Variants in STK17A observed in about 807,000 individuals in gnomAD.
STK17A encodes the protein serine/threonine kinase 17a.
Under a neutral mutation model 43.7 loss-of-function variants are expected in STK17A, and 26 were observed. The ratio of observed to expected loss-of-function variants is 0.60; its 90% confidence interval spans 0.44 to 0.83. The LOEUF (loss-of-function observed/expected upper bound fraction) is 0.83. Among genes scored for constraint, STK17A ranks in the 40% least tolerant of loss-of-function variants. The probability of loss-of-function intolerance (pLI) is 0.00; values close to 1 mark genes in which losing one functional copy is unlikely to be tolerated. For missense variants in STK17A, 476 were observed against 511.6 expected, an observed-to-expected ratio of 0.93 and a Z score of 0.67; for synonymous variants, 191 against 182.5, an observed-to-expected ratio of 1.05 and a Z score of -0.38.
intron 1 of STK17A, among the ~76,000 whole-genome samples, chr7:43,584,080 G>A (rs2082422541): frequency 6.6e-6 from 1 of 152,016 alleles, no homozygotes; most frequent in Admixed American, 6.6e-5. Context: ...ACTTTGCTGG[G>A]AACCGATTCT....
At chr7:43,612,554 C>T (rs1345610569) in intron 3 of STK17A, among the ~76,000 whole-genome samples, 1 of 152,160 alleles carries the variant, frequency 6.6e-6, no homozygotes, top group African/African-American at 2.4e-5. Flanking sequence ...CTGATAATCC[C>T]AATATGTATG....
chr7:43,591,712 T>C (rs1057446185), intron 1 of STK17A, among the ~76,000 whole-genome samples: 11 of 151,412 alleles, frequency 7.3e-5, no homozygotes, highest in African/African-American at 2.4e-4. Flanking sequence ...AATTTAGCAA[T>C]GGCTGTTCTG....
At chr7:43,597,375 C>T (rs1235909975) in intron 2 of STK17A, among the ~76,000 whole-genome samples, 3 of 151,794 alleles carry the variant, frequency 2.0e-5, no homozygotes, top group Non-Finnish European at 4.4e-5. Context: ...GCCTGTAGTT[C>T]AGCACTTTGT....
rs2082410891 is a variant in STK17A, at chr7:43,583,133, A to G, written c.-111A>G. On this transcript the variant is annotated 5_prime_UTR_variant, in exon 1 of 7. Coordinates refer to ENST00000319357, the MANE Select transcript of STK17A (RefSeq NM_004760.3). The stretch of plus-strand genomic sequence containing the variant: ...GCAGTCCGAGCGCCGCGCTGGGGAG[A>G]GCGGGTGTTTGAAGGCTCCGCGGAC... 1.7e-6 allele frequency: 2 copies of G among 1,153,388 alleles called. No individual in the cohort carries two copies. The highest frequency in any genetic ancestry group is 1.6e-5 in the African/African-American group (1 of 60,634). 71.4% of individuals were successfully genotyped at this position (1,153,388 alleles called of 1,614,324 possible). A position where few individuals can be genotyped will look rare whatever the true frequency, so the allele number is the denominator to read the frequency against.
intron 1 of STK17A, among the ~76,000 whole-genome samples, chr7:43,594,543 G>T (rs1695322789): frequency 6.6e-6 from 1 of 152,120 alleles, no homozygotes; most frequent in Non-Finnish European, 1.5e-5. Flanking sequence ...GGCATTTGGT[G>T]TTAGGTAAAA....
intron 3 of STK17A, among the ~76,000 whole-genome samples, chr7:43,617,223 G>A (rs1009538515): frequency 3.3e-5 from 5 of 152,170 alleles, no homozygotes; most frequent in Non-Finnish European, 7.3e-5. Flanking sequence ...ATGCGAAGGA[G>A]TTTGGAGGTT....
chr7:43,614,770 G>GT (rs1423157922), intron 3 of STK17A, among the ~76,000 whole-genome samples: 2 of 152,192 alleles, frequency 1.3e-5, no homozygotes, highest in African/African-American at 4.8e-5. Flanking sequence ...ATAGATGCAT[G>GT]TAACAGGGCC....
intron 3 of STK17A, among the ~76,000 whole-genome samples, chr7:43,618,957 A>C (rs1034043284): frequency 3.9e-5 from 6 of 152,222 alleles, no homozygotes; most frequent in Non-Finnish European, 5.9e-5. Context: ...ATCCTGAACA[A>C]CACAAATATT....
chr7:43,608,410 A>G lies in STK17A; in HGVS notation c.564+10A>G. ...TCATCTTGATTTGAAGGTAAGATTC[A>G]AATTACAATTTTGAGATTGCTAAAG... On this transcript the variant is annotated intron_variant, in intron 3 of 6. Transcript: ENST00000319357. 1 of 1,593,452 alleles carries G rather than the reference A, an allele frequency of 6.3e-7. No individual in the cohort carries two copies. Among genetic ancestry groups the G allele is most frequent in the Non-Finnish European group, 8.5e-7 (1 of 1,172,356 alleles).
At position 43,596,174 on chromosome 7, in the gene STK17A, C is replaced by T. The variant is rs942574573; in HGVS notation, c.419+61C>T. On this transcript the variant is annotated intron_variant, in intron 2 of 6. Transcript: ENST00000319357. ...TAGTCTACACTTCCTTTACGGAATG[C>T]CACTCATCTGTGATAATGTTGCCAG... 7 of 1,459,196 alleles carry T rather than the reference C, an allele frequency of 4.8e-6. No homozygotes were observed. The African/African-American group carries it at 5.6e-5, about 12-fold the overall frequency. The allele number at this position is 1,459,196 out of a possible 1,614,324, so 90.4% of individuals were successfully genotyped here.
At chr7:43,583,712 C>G (rs2082419294) in intron 1 of STK17A, among the ~76,000 whole-genome samples, 2 of 152,190 alleles carry the variant, frequency 1.3e-5, no homozygotes, top group African/African-American at 4.8e-5. Context: ...TTTCCTCAGC[C>G]CTTTCGTTCT....
At chr7:43,584,583 G>A (rs1005264952) in intron 1 of STK17A, among the ~76,000 whole-genome samples, 1 of 152,108 alleles carries the variant, frequency 6.6e-6, no homozygotes, top group African/African-American at 2.4e-5. Context: ...CTGGGGTCTT[G>A]GAAAGGCAAA....
chr7:43,616,561 G>A (rs988140863), intron 3 of STK17A, among the ~76,000 whole-genome samples: 7 of 152,172 alleles, frequency 4.6e-5, no homozygotes, highest in Admixed American at 4.6e-4. Flanking sequence ...ATAGAAAAGG[G>A]TAGGAAGGAT....
At chr7:43,598,600 C>T (rs777588035) in intron 2 of STK17A, among the ~76,000 whole-genome samples, 1 of 152,068 alleles carries the variant, frequency 6.6e-6, no homozygotes, top group Non-Finnish European at 1.5e-5. Context: ...CAACCTAAGT[C>T]TTTTGACAAA....
chr7:43,589,911 TTTTAATTTTA>T (rs1044667984), intron 1 of STK17A, among the ~76,000 whole-genome samples: 2 of 148,294 alleles, frequency 1.3e-5, no homozygotes, highest in African/African-American at 4.9e-5. Context: ...TATAATTTTA[TTTTAATTTTA>T]TTTAATTTTA....
chr7:43,583,471 C>T (rs2082415620), intron 1 of STK17A, 22 bp downstream of exon 1: 7 of 1,278,330 alleles, frequency 5.5e-6, no homozygotes, highest in Non-Finnish European at 5.9e-6. Flanking sequence ...CGGGGCCCGG[C>T]GCGGAACCTT....
At chr7:43,594,184 G>A (rs34241434) in intron 1 of STK17A, among the ~76,000 whole-genome samples, 22,046 of 151,596 alleles carry the variant, frequency 0.15, 2,166 homozygotes, top group Non-Finnish European at 0.21. Flanking sequence ...CTTGAGCCCG[G>A]AAGTCCAAGG....
intron 1 of STK17A, among the ~76,000 whole-genome samples, chr7:43,591,299 G>A (rs951739316): frequency 3.3e-5 from 5 of 151,464 alleles, no homozygotes; most frequent in African/African-American, 1.2e-4. Context: ...TAGAATAAGA[G>A]TAATATTTAA....
chr7:43,616,422 TATAAA>T (rs2083348400), intron 3 of STK17A, among the ~76,000 whole-genome samples: 2 of 152,306 alleles, frequency 1.3e-5, no homozygotes, highest in South Asian at 4.1e-4. Flanking sequence ...ACCCAACAAA[TATAAA>T]TGTGTGGTAG....
Sources: gnomAD v4.1 joint callset for allele counts (sites outside exome capture counted in the v4.1 genomes callset) on GRCh38, gnomAD v4.1.1 for gene constraint, MANE v1.5 for transcripts, NCBI Gene and HGNC (gene_info 2026-07-23, HGNC 2026-07-21) for gene names.